The following PKHD1L1 variants were observed in gnomAD, a reference collection of about 807,000 sequenced individuals.
The protein encoded by PKHD1L1 is PKHD1 like 1, also known as fibrocystin-L.
PKHD1L1 carries 434 observed loss-of-function variants against 462.9 expected under a neutral mutation model. The observed-to-expected ratio is 0.94, with a 90% CI of 0.87 to 1.02. The LOEUF is 1.02. PKHD1L1 is among the 50% of genes least tolerant of loss of function. The probability of loss-of-function intolerance (pLI) is 0.00; values close to 1 mark genes in which losing one functional copy is unlikely to be tolerated. For synonymous variants in PKHD1L1, 1,781 were observed against 1,750.0 expected, an observed-to-expected ratio of 1.02 and a Z score of -0.44; for missense variants, 5,202 against 5,096.1, an observed-to-expected ratio of 1.02 and a Z score of -0.63.
In PKHD1L1 at chr8:109,448,131, T is replaced by C; in HGVS notation, c.5777-12T>C. 6.3e-7 allele frequency: 1 copy of C among 1,579,320 alleles called. No individual in the cohort carries two copies. Among genetic ancestry groups the C allele is most frequent in the Admixed American group, 1.8e-5 (1 of 54,650 alleles). ...AGATATATTTATATTGTGTGCTTTT[T>C]TTTTTTTTAAGGTCCACCAGGAACT... On this transcript the variant is annotated splice_polypyrimidine_tract_variant and intron_variant, in intron 38 of 77. Coordinates refer to ENST00000378402, the MANE Select transcript of PKHD1L1 (RefSeq NM_177531.6).
At chr8:109,525,057 G>T (rs552773338) in intron 76 of PKHD1L1, among the ~76,000 whole-genome samples, 1 of 152,212 alleles carries the variant, frequency 6.6e-6, no homozygotes, top group East Asian at 1.9e-4. Context: ...TAACAACAAA[G>T]CATTAGTGAG....
intron 71 of PKHD1L1, among the ~76,000 whole-genome samples, chr8:109,512,881 G>C (rs866165488): frequency 2.3e-4 from 35 of 151,396 alleles, no homozygotes; most frequent in Admixed American, 1.2e-3. Context: ...TTGAGCAGTG[G>C]TTTGTAGTTC....
In PKHD1L1 at chr8:109,493,650, C is replaced by A; in HGVS notation, c.10237-11C>A. 1.9e-6 allele frequency: 3 copies of A among 1,543,080 alleles called. No homozygotes were observed. Among genetic ancestry groups the A allele is most frequent in the Admixed American group, 1.9e-5 (1 of 53,292 alleles). On this transcript the variant is annotated splice_polypyrimidine_tract_variant and intron_variant, in intron 62 of 77. Coordinates refer to ENST00000378402, the MANE Select transcript of PKHD1L1 (RefSeq NM_177531.6). ...CTGATGCACAGTATTTTTTTTTAAT[C>A]ATTGCACTAGATAAATAGAGGGACC...
At position 109,430,000 on chromosome 8, in the gene PKHD1L1, C is replaced by T. The variant is rs746436428; in HGVS notation, c.3192C>T (p.Asn1064=). The T allele has an allele frequency of 2.5e-6, 4 of 1,611,562 alleles. No individual in the cohort carries two copies. Among genetic ancestry groups the T allele is most frequent in the Admixed American group, 1.7e-5 (1 of 59,536 alleles). The change falls in exon 27 of 78, where the codon AAC becomes AAT. Residue 1064 remains asparagine, a synonymous_variant. Coordinates refer to ENST00000378402, the MANE Select transcript of PKHD1L1 (RefSeq NM_177531.6). ...SGDCGFTWDS[N]ITPLVLAISP... The stretch of plus-strand genomic sequence containing the variant: ...ACTGTGGATTTACATGGGATTCCAA[C>T]ATTACTCCCCTAGTCTTGGCGATAA...
intron 49 of PKHD1L1, 46 bp from the exon 50 acceptor site, chr8:109,466,532 T>G: frequency 6.7e-7 from 1 of 1,501,784 alleles, no homozygotes; most frequent in Non-Finnish European, 9.0e-7. Flanking sequence ...TTTTTTATGT[T>G]TCTTAATGTG....
At chr8:109,470,787 T>C (rs1193529210) in intron 50 of PKHD1L1, 1 of 1,525,380 alleles carries the variant, frequency 6.6e-7, no homozygotes, top group African/African-American at 1.4e-5. Context: ...TAAATCAGTT[T>C]TGTGAGGTAA....
intron 21 of PKHD1L1, among the ~76,000 whole-genome samples, chr8:109,417,605 G>A (rs574842287): frequency 6.6e-6 from 1 of 152,252 alleles, no homozygotes; most frequent in African/African-American, 2.4e-5. Context: ...GTGCAGTGGT[G>A]TGATCTCAGC....
In PKHD1L1 at chr8:109,364,536, A is replaced by T; in HGVS notation, c.74-11A>T. 1 of 1,552,826 alleles carries T rather than the reference A, an allele frequency of 6.4e-7. No individual in the cohort carries two copies. The highest frequency in any genetic ancestry group is 8.8e-7 in the Non-Finnish European group (1 of 1,134,444). ...TGATTTTTACCTCTACTGTATTTTA[A>T]TATTTTTCAGATGGCTCTCAAATAA... On this transcript the variant is annotated splice_polypyrimidine_tract_variant and intron_variant, in intron 1 of 77. Transcript: ENST00000378402.
intron 39 of PKHD1L1, 140 bp from the exon 40 acceptor site, chr8:109,449,198 T>C (rs1431778813): frequency 2.8e-6 from 2 of 717,276 alleles, no homozygotes; most frequent in Admixed American, 3.3e-5. Context: ...AATAGAATAA[T>C]GCACTATAAT....
chr8:109,488,137 T>A (rs1035245796), intron 59 of PKHD1L1, among the ~76,000 whole-genome samples: 12 of 151,956 alleles, frequency 7.9e-5, no homozygotes, highest in Admixed American at 7.2e-4. Context: ...CCTAAACAAC[T>A]ATTTGACTGC....
At chr8:109,422,860 A>G (rs1814545191) in intron 23 of PKHD1L1, among the ~76,000 whole-genome samples, 1 of 152,198 alleles carries the variant, frequency 6.6e-6, no homozygotes, top group Non-Finnish European at 1.5e-5. Context: ...CAGTTTCTGC[A>G]CAATCTTGCC....
chr8:109,490,053 C>A lies in PKHD1L1; in HGVS notation c.9982C>A (p.Gln3328Lys). Residue 3328 changes from glutamine (Q) to lysine (K), a missense_variant and splice_region_variant, in exon 60 of 78, where the codon CAG (glutamine) becomes AAG (lysine). Gln to Lys is a moderately conservative substitution (Grantham distance 53). Coordinates refer to ENST00000378402, the MANE Select transcript of PKHD1L1 (RefSeq NM_177531.6). ...RYAVTFLNLG[Q>K]IQEHGSSYIR... Reference sequence around the variant, plus strand: ...TGCTGTAACGTTTCTTAACCTAGGACAGGTTTGTGCTTTATTTTTAATTTT... The same window carrying A: ...TGCTGTAACGTTTCTTAACCTAGGAAAGGTTTGTGCTTTATTTTTAATTTT... 2 of 1,556,474 alleles carry A rather than the reference C, an allele frequency of 1.3e-6. No homozygotes were observed. The highest frequency in any genetic ancestry group is 1.7e-6 in the Non-Finnish European group (2 of 1,145,546).
intron 43 of PKHD1L1, among the ~76,000 whole-genome samples, chr8:109,453,564 T>C (rs554204148): frequency 6.6e-6 from 1 of 152,344 alleles, no homozygotes; most frequent in East Asian, 1.9e-4. Context: ...TTATTTACTA[T>C]TTTTAACTTC....
At chr8:109,435,608 A>AT (rs1815365174) in intron 29 of PKHD1L1, among the ~76,000 whole-genome samples, 1 of 152,228 alleles carries the variant, frequency 6.6e-6, no homozygotes, top group South Asian at 2.1e-4. Flanking sequence ...ACATGTTTCT[A>AT]TAACAAGCAC....
At chr8:109,425,270 C>T (rs1304086175) in intron 24 of PKHD1L1, 38 bp downstream of exon 24, 8 of 1,504,220 alleles carry the variant, frequency 5.3e-6, no homozygotes, top group South Asian at 1.4e-5. Context: ...TGTATACGCA[C>T]ACACATATGT....
intron 50 of PKHD1L1, chr8:109,470,043 CAT>C (rs926790273): frequency 4.8e-5 from 19 of 394,060 alleles, no homozygotes; most frequent in African/African-American, 3.9e-4. Flanking sequence ...TTTATTAAAA[CAT>C]GATTTAAGAT....
rs1209460547 is a variant in PKHD1L1, at chr8:109,523,348, G to A, written c.12446G>A (p.Cys4149Tyr). Residue 4149 changes from cysteine to tyrosine, a missense_variant, in exon 76 of 78, where the codon TGT becomes TAT. This residue lies in a region of PKHD1L1 where 698 missense variants were observed against 736.3 expected (regional missense o/e 0.95). Coordinates refer to ENST00000378402, the MANE Select transcript of PKHD1L1 (RefSeq NM_177531.6). ...AATACAACAATTCCGTTTAGCAGCTGTTGGGCCAACTACACAGACCTTACT... is the reference window on the plus strand; with the variant it reads ...AATACAACAATTCCGTTTAGCAGCTATTGGGCCAACTACACAGACCTTACT... ...SGNTTIPFSS[C>Y]WANYTDLTPL... 1 of 1,613,108 alleles carries A rather than the reference G, an allele frequency of 6.2e-7. No individual in the cohort carries two copies.
rs371612878 is a variant in PKHD1L1, at chr8:109,479,776, C to T, written c.9178+137C>T. On this transcript the variant is annotated intron_variant, in intron 54 of 77. Coordinates refer to ENST00000378402, the MANE Select transcript of PKHD1L1 (RefSeq NM_177531.6). ...AGAAGTGGACTCTATTAATGCATCC[C>T]GGATACTAAACCTAGCCTTCTGGGG... The T allele has an allele frequency of 1.7e-4, 135 of 815,860 alleles. No individual in the cohort carries two copies. The African/African-American group carries it at 1.9e-3, about 12-fold the overall frequency. The allele number at this position is 815,860 out of a possible 1,614,324, so 50.5% of individuals were successfully genotyped here. A position where few individuals can be genotyped will look rare whatever the true frequency, so the allele number is the denominator to read the frequency against.
chr8:109,403,468 A>T (rs1233586447), intron 14 of PKHD1L1, among the ~76,000 whole-genome samples: 1 of 152,216 alleles, frequency 6.6e-6, no homozygotes, highest in Non-Finnish European at 1.5e-5. Context: ...TGTGAAGATT[A>T]AACGTAATAA....
Sources: gnomAD v4.1 joint callset for allele counts (sites outside exome capture counted in the v4.1 genomes callset) on GRCh38, gnomAD v4.1.1 for gene constraint, gnomAD v4.1.1 regional missense constraint, MANE v1.5 for transcripts, NCBI Gene and HGNC (gene_info 2026-07-23, HGNC 2026-07-21) for gene names.